KAZN: variants seen among roughly 807,000 people sequenced by gnomAD.
KAZN encodes the protein kazrin, periplakin interacting protein.
Under a neutral mutation model 87.4 loss-of-function variants are expected in KAZN, and 40 were observed. The observed-to-expected ratio is 0.46, with a 90% confidence interval of 0.36 to 0.60. KAZN has a LOEUF of 0.60. KAZN is among the 20% of genes least tolerant of loss of function. The pLI is 0.00. For missense variants in KAZN, 898 were observed against 1,073.9 expected, an observed-to-expected ratio of 0.84 and a Z score of 2.29; for synonymous variants, 466 against 458.3, an observed-to-expected ratio of 1.02 and a Z score of -0.22.
chr1:14,851,468 C>A (rs1013220762), intron 1 of KAZN, among the ~76,000 whole-genome samples: 1 of 152,220 alleles, frequency 6.6e-6, no homozygotes, highest in Non-Finnish European at 1.5e-5. Context: ...AGGACCAACC[C>A]TTGTTGCATG....
At chr1:14,624,552 A>G (rs1040132428) in intron 1 of KAZN, among the ~76,000 whole-genome samples, 2 of 152,136 alleles carry the variant, frequency 1.3e-5, no homozygotes, top group African/African-American at 4.8e-5. Flanking sequence ...TAGGTGTGTT[A>G]TGTTCACTTG....
In KAZN at chr1:14,995,970, C is replaced by T. The variant is rs548816530; in HGVS notation, c.418+35095C>T. Among the ~76,000 whole-genome samples, 25 of 152,226 alleles carry T rather than the reference C, an allele frequency of 1.6e-4. No homozygotes were observed. In the East Asian group the frequency reaches 4.7e-3, roughly 28 times the overall value. On this transcript the variant is annotated intron_variant, in intron 2 of 14. Transcript: ENST00000376030. The stretch of plus-strand genomic sequence containing the variant: ...ACTTGTCCTGGAAAATAAGCCGGTC[C>T]GGCCACCTGGGTCAACAGTCAGCTG...
chr1:14,940,800 A>G (rs982660220), intron 1 of KAZN, among the ~76,000 whole-genome samples: 1 of 151,558 alleles, frequency 6.6e-6, no homozygotes, highest in African/African-American at 2.4e-5. Context: ...GGCAGGTGGA[A>G]ATGACTGCGG....
At chr1:14,100,200 C>G (rs923853388) in intron 1 of KAZN, among the ~76,000 whole-genome samples, 38 of 152,168 alleles carry the variant, frequency 2.5e-4, no homozygotes, top group African/African-American at 8.0e-4. Context: ...TAATAAACAG[C>G]CCTTTATGGA....
intron 1 of KAZN, among the ~76,000 whole-genome samples, chr1:14,054,938 T>A (rs1642488031): frequency 6.6e-6 from 1 of 152,186 alleles, no homozygotes; most frequent in Admixed American, 6.5e-5. Context: ...CGACCTCAGC[T>A]CCATTGACAT....
At chr1:14,487,816 A>G (rs1669426558) in intron 2 of KAZN, among the ~76,000 whole-genome samples, 1 of 152,196 alleles carries the variant, frequency 6.6e-6, no homozygotes, top group Non-Finnish European at 1.5e-5. Context: ...ATCAGATGCC[A>G]TGGGGCAGAA....
chr1:14,598,500 C>A (rs972069825), upstream of KAZN, among the ~76,000 whole-genome samples: 5 of 152,120 alleles, frequency 3.3e-5, no homozygotes, highest in Non-Finnish European at 4.4e-5. This position sits in a 1 kb window ranked among gnomAD's most constrained non-coding sequence, Gnocchi z 4.2. Flanking sequence ...CTGCCCCTCG[C>A]CAGGGGCGCC....
At chr1:14,406,590 T>C (rs1663872483) in intron 2 of KAZN, among the ~76,000 whole-genome samples, 1 of 152,140 alleles carries the variant, frequency 6.6e-6, no homozygotes, top group South Asian at 2.1e-4. Context: ...TTGGGTTCAG[T>C]GTATACTGCT....
intron 2 of KAZN, among the ~76,000 whole-genome samples, chr1:14,512,428 A>G (rs1670957100): frequency 6.6e-6 from 1 of 152,090 alleles, no homozygotes; most frequent in African/African-American, 2.4e-5. Context: ...GACAAACAAA[A>G]ATGTCTACAA....
intron 2 of KAZN, among the ~76,000 whole-genome samples, chr1:14,565,950 T>C (rs1437244008): frequency 1.3e-5 from 2 of 152,202 alleles, no homozygotes; most frequent in African/African-American, 4.8e-5. Flanking sequence ...CTTTGAGGGT[T>C]GGAATCAGCT....
chr1:14,007,925 G>T (rs1271377784), intron 1 of KAZN, among the ~76,000 whole-genome samples: 1 of 152,174 alleles, frequency 6.6e-6, no homozygotes, highest in Non-Finnish European at 1.5e-5. Context: ...AATGATCCCT[G>T]TGCTGTTGGT....
chr1:14,521,216 G>A (rs192165141), intron 2 of KAZN, among the ~76,000 whole-genome samples: 12 of 152,228 alleles, frequency 7.9e-5, no homozygotes, highest in Non-Finnish European at 1.3e-4. Flanking sequence ...CCCCCAAAAC[G>A]CCAGTCAGCA....
intron 8 of KAZN, among the ~76,000 whole-genome samples, chr1:15,083,517 A>G (rs1389837927): frequency 1.3e-5 from 2 of 152,222 alleles, no homozygotes; most frequent in Non-Finnish European, 2.9e-5. Context: ...CTCTGGTCAT[A>G]GAATGAATAT....
chr1:14,416,495 G>C (rs531305629), intron 2 of KAZN, among the ~76,000 whole-genome samples: 6 of 152,262 alleles, frequency 3.9e-5, no homozygotes, highest in African/African-American at 1.4e-4. Context: ...CTAGCACTTT[G>C]ATAGGCCAAG....
chr1:14,267,946 C>T (rs941482687), intron 2 of KAZN, among the ~76,000 whole-genome samples: 1 of 152,128 alleles, frequency 6.6e-6, no homozygotes, highest in Non-Finnish European at 1.5e-5. Context: ...GGTGACAGAG[C>T]AAGACTCTGT....
intron 8 of KAZN, among the ~76,000 whole-genome samples, chr1:15,087,520 G>A (rs770070885): frequency 2.0e-5 from 3 of 151,950 alleles, no homozygotes; most frequent in Non-Finnish European, 2.9e-5. Flanking sequence ...GGCCTCCCGA[G>A]TATCTGGGAC....
chr1:14,788,972 C>G (rs950045415), intron 1 of KAZN, among the ~76,000 whole-genome samples: 11 of 152,154 alleles, frequency 7.2e-5, no homozygotes, highest in African/African-American at 2.7e-4. Context: ...GGAAGGTTAC[C>G]TTTAACTTCC....
At chr1:14,814,255 C>A (rs1210249527) in intron 1 of KAZN, among the ~76,000 whole-genome samples, 1 of 152,188 alleles carries the variant, frequency 6.6e-6, no homozygotes, top group Non-Finnish European at 1.5e-5. Context: ...GAGATGGACT[C>A]TCACTCTGTC....
At chr1:14,022,081 C>T (rs1160271816) in intron 1 of KAZN, among the ~76,000 whole-genome samples, 6 of 150,004 alleles carry the variant, frequency 4.0e-5, no homozygotes, top group Non-Finnish European at 8.9e-5. Flanking sequence ...TAAAGAATGA[C>T]AATTGATTTC....
Sources: gnomAD v4.1 joint callset for allele counts (sites outside exome capture counted in the v4.1 genomes callset) on GRCh38, gnomAD v4.1.1 for gene constraint, Gnocchi (gnomAD v3.1) non-coding constraint, MANE v1.5 for transcripts, NCBI Gene and HGNC (gene_info 2026-07-23, HGNC 2026-07-21) for gene names.